SIRT3: variants seen among roughly 807,000 people sequenced by gnomAD.
SIRT3 encodes the protein NAD-dependent protein deacetylase sirtuin-3, mitochondrial.
A neutral mutation model predicts 33.5 loss-of-function variants in SIRT3; 26 were observed. The ratio of observed to expected loss-of-function variants is 0.78; its 90% CI spans 0.57 to 1.08. The LOEUF (loss-of-function observed/expected upper bound fraction) is 1.08, where lower values mean the gene tolerates loss of function less well. SIRT3 is among the 50% of genes least tolerant of loss of function. The pLI, the probability that SIRT3 is intolerant of heterozygous loss-of-function variation, is 0.00. For synonymous variants in SIRT3, 237 were observed against 222.1 expected, an observed-to-expected ratio of 1.07 and a Z score of -0.60; for missense variants, 585 against 530.1, an observed-to-expected ratio of 1.10 and a Z score of -1.02.
At chr11:229,538 C>G (rs531774072) in intron 4 of SIRT3, among the ~76,000 whole-genome samples, 1 of 151,896 alleles carries the variant, frequency 6.6e-6, no homozygotes, top group South Asian at 2.1e-4. Context: ...GGTGAACCAC[C>G]TGAGGTCAGG....
Position 230,495 on chromosome 11 carries a change from G to C in SIRT3, c.764C>G (p.Thr255Ser). ...GAAGGGTCTTTGGCAGACTGTGCAG[G>C]TGGCAGAGGCAAAGGTTCCATGAGC... ...VEAHGTFASA[T>S]CTVCQRPFPG... Residue 255 changes from threonine to serine, a missense_variant, in exon 4 of 7, where the codon ACC (threonine) becomes AGC (serine). Thr to Ser is a moderately conservative substitution (Grantham distance 58, BLOSUM62 1). Coordinates refer to ENST00000382743, the MANE Select transcript of SIRT3 (RefSeq NM_012239.6). 6.5e-7 allele frequency: 1 copy of C among 1,540,124 alleles called. No individual in the cohort carries two copies. The highest frequency in any genetic ancestry group is 8.7e-7 in the Non-Finnish European group (1 of 1,143,018).
chr11:236,250 C>T lies in SIRT3; in HGVS notation c.79G>A (p.Gly27Ser). 1 of 1,547,292 alleles carries T rather than the reference C, an allele frequency of 6.5e-7. No individual in the cohort carries two copies. Among genetic ancestry groups the T allele is most frequent in the South Asian group, 1.2e-5 (1 of 84,584 alleles). The part of the protein sequence containing the change: ...RVVERVEAGG[G>S]VGPFQACGCR... ...CCGCAGGCCTGAAACGGCCCCACGC[C>T]TCCCCCGGCCTCGACCCGTTCAACT... is the stretch of plus-strand genomic sequence containing the variant. Residue 27 changes from glycine to serine, a missense_variant, in exon 1 of 7, where the codon GGC becomes AGC. Physicochemically the swap from Gly to Ser is moderately conservative, Grantham distance 56 (BLOSUM62 0). Coordinates refer to ENST00000382743, the MANE Select transcript of SIRT3 (RefSeq NM_012239.6).
intron 1 of SIRT3, chr11:233,789 C>G (rs1331922341): frequency 2.3e-6 from 1 of 427,002 alleles, no homozygotes; most frequent in Non-Finnish European, 4.2e-6. Flanking sequence ...TTTCATAATT[C>G]AGTACACTCA....
chr11:236,240 G>A lies in SIRT3; in HGVS notation c.89C>T (p.Pro30Leu). ...ERVEAGGGVG[P>L]FQACGCRLVL... ...CAGCCGACAGCCGCAGGCCTGAAACGGCCCCACGCCTCCCCCGGCCTCGAC... is the reference window on the plus strand; with the variant it reads ...CAGCCGACAGCCGCAGGCCTGAAACAGCCCCACGCCTCCCCCGGCCTCGAC... Residue 30 changes from proline (P) to leucine (L), a missense_variant, in exon 1 of 7, where the codon CCG (proline) becomes CTG (leucine). By Grantham distance (98) the Pro-to-Leu change is moderately conservative. Coordinates refer to ENST00000382743, the MANE Select transcript of SIRT3 (RefSeq NM_012239.6). 1 of 1,553,698 alleles carries A rather than the reference G, an allele frequency of 6.4e-7. No homozygotes were observed.
At chr11:233,854 A>T in intron 1 of SIRT3, 1 of 234,074 alleles carries the variant, frequency 4.3e-6, no homozygotes, top group Non-Finnish European at 8.3e-6. Flanking sequence ...CCTAATGAAA[A>T]CTGGTTAAGG....
rs552222135 is a variant in SIRT3 at position 221,751 on chromosome 11, G to A, written c.969+2327C>T. 5.9e-5 allele frequency among the ~76,000 whole-genome samples: 9 copies of A among 152,312 alleles called. No homozygotes were observed. The South Asian group carries it at 1.2e-3, about 21-fold the overall frequency. On this transcript the variant is annotated intron_variant, in intron 5 of 6. Transcript: ENST00000382743. The stretch of plus-strand genomic sequence containing the variant: ...GTTTCTCAGTTGGGACCTCATATCC[G>A]TGTAAGGGAAACTGTTGGCATTAAC...
chr11:221,381 GA>G (rs1380246052), intron 5 of SIRT3, among the ~76,000 whole-genome samples: 29 of 152,338 alleles, frequency 1.9e-4, no homozygotes, highest in African/African-American at 6.3e-4. Context: ...AGAGTGCTGG[GA>G]TAACAGGTGT....
At position 224,132 on chromosome 11, in the gene SIRT3, A is replaced by G. The variant is rs1590144206; in HGVS notation, c.915T>C (p.His305=). The G allele has an allele frequency of 1.9e-6, 3 of 1,614,156 alleles. No individual in the cohort carries two copies. The East Asian group carries it at 6.7e-5, about 36-fold the overall frequency. The change falls in exon 5 of 7, where the codon CAT becomes CAC. Residue 305 remains histidine, a synonymous_variant. Coordinates refer to ENST00000382743, the MANE Select transcript of SIRT3 (RefSeq NM_012239.6). ...GATCTGCCATGGGGAAATCAACCAC[A>G]TGCAGCAAGAACCTCTGGGGCAGCG... is the stretch of plus-strand genomic sequence containing the variant. ...GEPLPQRFLL[H]VVDFPMADLL...
chr11:233,384 C>A lies in SIRT3; in HGVS notation c.432G>T (p.Val144=). ...ARACQRVVVM[V]GAGISTPSGI... is the part of the protein sequence containing the mutation. Reference sequence around the variant, plus strand: ...CACTGGGTGTGCTGATGCCGGCCCCCACCATGACCACCACCCTCTGGCAGG... The same window carrying A: ...CACTGGGTGTGCTGATGCCGGCCCCAACCATGACCACCACCCTCTGGCAGG... Residue 144 remains valine (V), a synonymous_variant, in exon 2 of 7, where the codon GTG becomes GTT. Coordinates refer to ENST00000382743, the MANE Select transcript of SIRT3 (RefSeq NM_012239.6). 5.0e-6 allele frequency: 8 copies of A among 1,614,104 alleles called. No homozygotes were observed. Among genetic ancestry groups the A allele is most frequent in the Non-Finnish European group, 6.8e-6 (8 of 1,180,000 alleles).
At chr11:231,778 A>G (rs1318310959) in intron 3 of SIRT3, among the ~76,000 whole-genome samples, 1 of 152,158 alleles carries the variant, frequency 6.6e-6, no homozygotes, top group African/African-American at 2.4e-5. Context: ...CTGTGGTTCC[A>G]AGTCAGGGGA....
chr11:218,799 G>A (rs1346589199), intron 6 of SIRT3, 33 bp downstream of exon 6: 1 of 1,614,034 alleles, frequency 6.2e-7, no homozygotes, highest in Non-Finnish European at 8.5e-7. Context: ...GAGAAGGGCA[G>A]CCCCTTGGAT....
intron 1 of SIRT3, 128 bp downstream of exon 1, chr11:235,920 G>T (rs1438269976): frequency 2.1e-5 from 21 of 1,012,886 alleles, no homozygotes; most frequent in Non-Finnish European, 2.7e-5. Context: ...GCATAAAGAC[G>T]GAGGCCCCGG....
chr11:220,749 G>A (rs1004215903), intron 5 of SIRT3, among the ~76,000 whole-genome samples: 4 of 152,224 alleles, frequency 2.6e-5, no homozygotes, highest in African/African-American at 7.2e-5. Context: ...AGATAAGGAT[G>A]ATACACAGGG....
In SIRT3 at chr11:216,773, C is replaced by T. The variant is rs560085086; in HGVS notation, c.1180-55G>A. 59 of 1,592,288 alleles carry T rather than the reference C, an allele frequency of 3.7e-5. 1 individual carries two copies. The South Asian group carries it at 6.0e-4, about 16-fold the overall frequency. ...TATCTGTTTACACACCCAGGCAGGCCAGCAGATCTCTGTTCAAACAGCTCT... is the reference window on the plus strand; with the variant it reads ...TATCTGTTTACACACCCAGGCAGGCTAGCAGATCTCTGTTCAAACAGCTCT... On this transcript the variant is annotated intron_variant, in intron 6 of 6. Transcript: ENST00000382743.
rs1855672984 is a variant in SIRT3 at position 216,595 on chromosome 11, C to G, written c.*103G>C. 1 of 1,327,304 alleles carries G rather than the reference C, an allele frequency of 7.5e-7. No homozygotes were observed. Among genetic ancestry groups the G allele is most frequent in the Admixed American group, 1.7e-5 (1 of 58,798 alleles). 82.2% of individuals were successfully genotyped at this position (1,327,304 alleles called of 1,614,324 possible). A position where few individuals can be genotyped will look rare whatever the true frequency, so the allele number is the denominator to read the frequency against. ...CGGGTGTCCACTCAGTTCACATATT[C>G]TGGTTTCACCTGCCCAAGCTGTCTT... On this transcript the variant is annotated 3_prime_UTR_variant, in exon 7 of 7. Transcript: ENST00000382743.
chr11:229,102 T>C (rs1857548625), intron 4 of SIRT3, among the ~76,000 whole-genome samples: 1 of 152,218 alleles, frequency 6.6e-6, no homozygotes, highest in Non-Finnish European at 1.5e-5. Flanking sequence ...CCTTGCCCAC[T>C]GTTGGTGGAA....
intron 5 of SIRT3, among the ~76,000 whole-genome samples, chr11:222,144 G>GCCCCT (rs1290314705): frequency 6.6e-6 from 1 of 152,106 alleles, no homozygotes; most frequent in East Asian, 1.9e-4. Flanking sequence ...GACCACCATG[G>GCCCCT]CCCCTCTGAC....
Position 223,904 on chromosome 11 carries a change from CCTCCTCCCTG to C in SIRT3, c.969+164_969+173del. On this transcript the variant is annotated intron_variant, in intron 5 of 6. Coordinates refer to ENST00000382743, the MANE Select transcript of SIRT3 (RefSeq NM_012239.6). The surrounding 1 kb of genome is among the most constrained non-coding windows in gnomAD (Gnocchi z 4.8). Reference sequence around the variant, plus strand: ...ACCCCTCCCTTCCCCTGCCCTCCAGCCTCCTCCCTGCACAGGCCTGCCGACAGCCCATGAG... The same window carrying C: ...ACCCCTCCCTTCCCCTGCCCTCCAGCCACAGGCCTGCCGACAGCCCATGAG... 14 of 361,680 alleles carry C rather than the reference CCTCCTCCCTG, an allele frequency of 3.9e-5. No homozygotes were observed. Among genetic ancestry groups the C allele is most frequent in the East Asian group, 1.9e-4 (3 of 16,102 alleles). 22.4% of individuals were successfully genotyped at this position (361,680 alleles called of 1,614,324 possible). A position where few individuals can be genotyped will look rare whatever the true frequency, so the allele number is the denominator to read the frequency against.
intron 5 of SIRT3, among the ~76,000 whole-genome samples, chr11:220,877 T>C (rs1856355706): frequency 7.3e-6 from 1 of 136,196 alleles, no homozygotes; most frequent in Non-Finnish European, 1.6e-5. Flanking sequence ...CCTTCCAGAG[T>C]ACTTGCATGG....
Sources: allele counts gnomAD v4.1 joint callset (sites outside exome capture counted in the v4.1 genomes callset), GRCh38; gene constraint gnomAD v4.1.1; non-coding constraint Gnocchi (gnomAD v3.1); transcripts MANE v1.5; gene names NCBI Gene and HGNC (gene_info 2026-07-23, HGNC 2026-07-21).